Variants in ADCY4 observed in about 807,000 individuals in gnomAD.
ADCY4 encodes adenylate cyclase type 4.
Under a neutral mutation model 125.5 loss-of-function variants are expected in ADCY4, and 111 were observed. The ratio of observed to expected loss-of-function variants is 0.88; its 90% CI spans 0.76 to 1.04. The LOEUF is 1.04. ADCY4 is among the 50% of genes least tolerant of loss of function. The pLI is 0.00. For missense variants in ADCY4, 1,256 were observed against 1,382.9 expected (o/e 0.91, Z 1.46); for synonymous variants, 576 against 586.9 (o/e 0.98, Z 0.27).
intron 1 of ADCY4, among the ~76,000 whole-genome samples, 191 bp downstream of exon 1, chr14:24,334,303 G>A (rs1014769574): frequency 2.6e-5 from 4 of 152,180 alleles, no homozygotes; most frequent in African/African-American, 9.7e-5. Flanking sequence ...CCAGGACTCA[G>A]CTTTCTCCCT....
rs769327827 is a variant in ADCY4, at chr14:24,334,631, G to A, written c.22C>T (p.Arg8Trp). 6.4e-7 allele frequency: 1 copy of A among 1,552,494 alleles called. No individual in the cohort carries two copies. The highest frequency in any genetic ancestry group is 1.2e-5 in the South Asian group (1 of 84,730). MARLFSPRPPPSEDLFYE... is the reference protein window; with the variant it reads MARLFSPWPPPSEDLFYE... ...AAGAGGTCTTCGCTGGGGGGCGGCC[G>A]GGGGCTGAAGAGGCGGGCCATGATC... The change falls in exon 1 of 25, where the codon CGG (arginine) becomes TGG (tryptophan). Residue 8 changes from arginine to tryptophan, a missense_variant. Transcript: ENST00000418030.
At position 24,323,330 on chromosome 14, in the gene ADCY4, G is replaced by C; in HGVS notation, c.2157+14C>G. 6.5e-7 allele frequency: 1 copy of C among 1,542,574 alleles called. No individual in the cohort carries two copies. The highest frequency in any genetic ancestry group is 1.4e-5 in the African/African-American group (1 of 72,934). On this transcript the variant is annotated intron_variant, in intron 17 of 24. Coordinates refer to ENST00000418030, the MANE Select transcript of ADCY4 (RefSeq NM_001198568.2). ...GTGTGCAGAAGGAGATTAAGGGCAT[G>C]TGGGAACACTCACTGGGACACTGAT...
intron 1 of ADCY4, among the ~76,000 whole-genome samples, chr14:24,333,739 CG>C (rs2042087777): frequency 6.6e-6 from 1 of 152,196 alleles, no homozygotes; most frequent in Non-Finnish European, 1.5e-5. Context: ...TTCCCGGAGC[CG>C]GGGACCGCGG....
chr14:24,327,365 C>T (rs2041965226), intron 10 of ADCY4, among the ~76,000 whole-genome samples: 1 of 152,130 alleles, frequency 6.6e-6, no homozygotes. Context: ...CTAGCATGGG[C>T]CCCGGCAGGC....
At chr14:24,322,738 T>C (rs2041873502) in intron 18 of ADCY4, 30 bp from the exon 19 acceptor site, 1 of 1,608,582 alleles carries the variant, frequency 6.2e-7, no homozygotes. Flanking sequence ...GGGTGACCCC[T>C]TGCTTTCCCC....
rs777821288 is a variant in ADCY4 at position 24,330,009 on chromosome 14, C to T, written c.1068G>A (p.Arg356=). Residue 356 remains arginine (R), a synonymous_variant, in exon 8 of 25, where the codon CGG becomes CGA. Coordinates refer to ENST00000418030, the MANE Select transcript of ADCY4 (RefSeq NM_001198568.2). The stretch of plus-strand genomic sequence containing the variant: ...TGTTGATGTCCACGCCAGTGGCTGC[C>T]CGCAGTTTCCTGAGCAGTGTGTGTG... ...LDMCRAIRKL[R]AATGVDINMR... is the part of the protein sequence containing the mutation. 2.2e-5 allele frequency: 35 copies of T among 1,613,534 alleles called. No homozygotes were observed. The Middle Eastern group carries it at 6.6e-4, about 30-fold the overall frequency.
rs2041806617 is a variant in ADCY4, at chr14:24,318,694, G to A, written c.3041C>T (p.Ala1014Val). 1 of 1,614,160 alleles carries A rather than the reference G, an allele frequency of 6.2e-7. No homozygotes were observed. The highest frequency in any genetic ancestry group is 8.5e-7 in the Non-Finnish European group (1 of 1,180,032). Residue 1014 changes from alanine (A) to valine (V), a missense_variant, in exon 24 of 25, where the codon GCC (alanine) becomes GTC (valine). Transcript: ENST00000418030. The part of the protein sequence containing the change: ...YDIWGNTVNV[A>V]SRMESTGVLG... ...GACTCCTGTACTCTCCATGCGGCTGGCCACGTTCACTGTGTTGCCCCAAAT... is the reference window on the plus strand; with the variant it reads ...GACTCCTGTACTCTCCATGCGGCTGACCACGTTCACTGTGTTGCCCCAAAT...
rs746788867 is a variant in ADCY4 at position 24,326,151 on chromosome 14, C to CG, written c.1582dup (p.Arg528ProfsTer5). 10 of 1,595,468 alleles carry CG rather than the reference C, an allele frequency of 6.3e-6. No homozygotes were observed. Among genetic ancestry groups the CG allele is most frequent in the African/African-American group, 2.7e-5 (2 of 74,356 alleles). On this transcript the variant is annotated frameshift_variant, in exon 12 of 25. Coordinates refer to ENST00000418030, the MANE Select transcript of ADCY4 (RefSeq NM_001198568.2). LOFTEE classifies it high-confidence loss of function. ...GGTGTCCAGTTCATCATCTAGTCCC[C>CG]GGGGGGTACGGCTCCTGCACAGTGA... is the stretch of plus-strand genomic sequence containing the variant.
intron 2 of ADCY4, 27 bp from the exon 3 acceptor site, chr14:24,332,710 G>T (rs775580360): frequency 1.2e-5 from 19 of 1,571,076 alleles, no homozygotes; most frequent in Non-Finnish European, 1.6e-5. Flanking sequence ...GGAAGCCGAA[G>T]GCCCAAGTGG....
At chr14:24,318,828 G>A (rs2041809062) in intron 23 of ADCY4, 50 bp from the exon 24 acceptor site, 13 of 1,611,446 alleles carry the variant, frequency 8.1e-6, no homozygotes, top group Admixed American at 1.7e-5. Flanking sequence ...GAGGGGAAGA[G>A]GAAGCCACAA....
Position 24,318,578 on chromosome 14 carries a change from G to T in ADCY4, c.3082-10C>A. The T allele has an allele frequency of 6.2e-7, 1 of 1,614,098 alleles. No individual in the cohort carries two copies. The highest frequency in any genetic ancestry group is 8.5e-7 in the Non-Finnish European group (1 of 1,179,992). Reference sequence around the variant, plus strand: ...CTGTCTCCTCAGTCACCTACAATTGGAGGGGGGCGAGGGAATATGGAGGTG... The same window carrying T: ...CTGTCTCCTCAGTCACCTACAATTGTAGGGGGGCGAGGGAATATGGAGGTG... On this transcript the variant is annotated splice_polypyrimidine_tract_variant and intron_variant, in intron 24 of 24. Coordinates refer to ENST00000418030, the MANE Select transcript of ADCY4 (RefSeq NM_001198568.2).
Position 24,334,586 on chromosome 14 carries a change from G to C in ADCY4, c.67C>G (p.Leu23Val). The part of the protein sequence containing the change: ...EDLFYETYYS[L>V]SQQYPLLLLL... ...AGCAGCAGCGGGTACTGCTGGCTCA[G>C]GCTGTAGTAGGTCTCGTAGAAGAGG... is the stretch of plus-strand genomic sequence containing the variant. Residue 23 changes from leucine to valine, a missense_variant, in exon 1 of 25, where the codon CTG (leucine) becomes GTG (valine). Transcript: ENST00000418030. 6.4e-7 allele frequency: 1 copy of C among 1,572,570 alleles called. No individual in the cohort carries two copies. Among genetic ancestry groups the C allele is most frequent in the Non-Finnish European group, 8.6e-7 (1 of 1,161,600 alleles).
chr14:24,326,361 G>A lies in ADCY4; in HGVS notation c.1525-19C>T, dbSNP rs2041944406. 6.2e-7 allele frequency: 1 copy of A among 1,601,656 alleles called. No individual in the cohort carries two copies. The highest frequency in any genetic ancestry group is 8.5e-7 in the Non-Finnish European group (1 of 1,178,766). On this transcript the variant is annotated intron_variant, in intron 10 of 24. Coordinates refer to ENST00000418030, the MANE Select transcript of ADCY4 (RefSeq NM_001198568.2). ...TCTTCTCCTGTTGGGAGAGCACAGG[G>A]GGAGGTGGGCATGGTGGGTGTTTTC...
At position 24,319,142 on chromosome 14, in the gene ADCY4, T is replaced by C. The variant is rs772223841; in HGVS notation, c.2912A>G (p.Asp971Gly). The change falls in exon 23 of 25, where the codon GAC becomes GGC. Residue 971 changes from aspartate to glycine, a missense_variant. Transcript: ENST00000418030. The surrounding 1 kb of genome is among the most constrained non-coding windows in gnomAD (Gnocchi z 4.5). ...EFAVALGSKL[D>G]VINKHSFNNF... is the part of the protein sequence containing the mutation. Reference sequence around the variant, plus strand: ...GTTGAATGAATGCTTGTTGATGACGTCCAGCTTAGACCCCAGGGCCACGGC... The same window carrying C: ...GTTGAATGAATGCTTGTTGATGACGCCCAGCTTAGACCCCAGGGCCACGGC... 2 of 1,613,986 alleles carry C rather than the reference T, an allele frequency of 1.2e-6. No individual in the cohort carries two copies. The highest frequency in any genetic ancestry group is 1.7e-6 in the Non-Finnish European group (2 of 1,180,010).
rs142319485 is a variant in ADCY4 at position 24,324,133 on chromosome 14, G to A, written c.1975C>T (p.Arg659Ter). 2.5e-4 allele frequency: 406 copies of A among 1,614,236 alleles called. 1 individual carries two copies. The highest frequency in any genetic ancestry group is 7.0e-4 in the Admixed American group (42 of 60,034). Reference protein sequence around the residue: ...LPALSGLVATRPGLRIALGTA... With the variant: ...LPALSGLVAT ...CCCAAGGCTATTCTCAGTCCTGGTCGTGTGGCCACCAGGCCAGACAGTGCA... is the reference window on the plus strand; with the variant it reads ...CCCAAGGCTATTCTCAGTCCTGGTCATGTGGCCACCAGGCCAGACAGTGCA... The change falls in exon 16 of 25, where the codon CGA (arginine) becomes TGA (stop). Residue 659 changes from arginine (R) to a stop codon, truncating the protein, a stop_gained. Coordinates refer to ENST00000418030, the MANE Select transcript of ADCY4 (RefSeq NM_001198568.2). LOFTEE classifies it high-confidence loss of function.
At chr14:24,330,136 C>T (rs533878510) in intron 7 of ADCY4, 32 bp downstream of exon 7, 1 of 1,606,340 alleles carries the variant, frequency 6.2e-7, no homozygotes, top group South Asian at 1.1e-5. Context: ...CATCCACCCT[C>T]AGCATTCCTC....
At chr14:24,323,727 G>A in intron 16 of ADCY4, 1 of 902,366 alleles carries the variant, frequency 1.1e-6, no homozygotes, top group Non-Finnish European at 1.3e-6. Flanking sequence ...TTCTTCTTCT[G>A]TAACTTGGCT....
In ADCY4 at chr14:24,318,371, A is replaced by C; in HGVS notation, c.*45T>G. On this transcript the variant is annotated 3_prime_UTR_variant, in exon 25 of 25. Transcript: ENST00000418030. ...CTTCAGACATCAATGGGCTCCAGAC[A>C]CCCCAGAGTCTCTTTATTGAGGTTC... 8 of 1,593,080 alleles carry C rather than the reference A, an allele frequency of 5.0e-6. No individual in the cohort carries two copies. The highest frequency in any genetic ancestry group is 6.9e-6 in the Non-Finnish European group (8 of 1,167,346).
rs775385357 is a variant in ADCY4, at chr14:24,319,389, G to A, written c.2781C>T (p.Ile927=). Reference sequence around the variant, plus strand: ...CTGTGGCTGCCATGTAGGTGCTGCCGATGGTCTTGATCTTCTCCACCCCAC... The same window carrying A: ...CTGTGGCTGCCATGTAGGTGCTGCCAATGGTCTTGATCTTCTCCACCCCAC... The part of the protein sequence containing the change: ...KFSGVEKIKT[I]GSTYMAATGL... The change falls in exon 22 of 25, where the codon ATC becomes ATT. Residue 927 remains isoleucine, a synonymous_variant. Coordinates refer to ENST00000418030, the MANE Select transcript of ADCY4 (RefSeq NM_001198568.2). The surrounding 1 kb of genome is among the most constrained non-coding windows in gnomAD (Gnocchi z 4.5). 4.5e-5 allele frequency: 73 copies of A among 1,614,092 alleles called. No homozygotes were observed. The highest frequency in any genetic ancestry group is 4.4e-4 in the South Asian group (40 of 91,092).
Sources: allele counts gnomAD v4.1 joint callset (sites outside exome capture counted in the v4.1 genomes callset), GRCh38; gene constraint gnomAD v4.1.1; non-coding constraint Gnocchi (gnomAD v3.1); transcripts MANE v1.5; gene names NCBI Gene and HGNC (gene_info 2026-07-23, HGNC 2026-07-21).